Variants in RALGDS observed in about 807,000 individuals in gnomAD.
RALGDS encodes ral guanine nucleotide exchange factor.
In RALGDS, 44 loss-of-function variants were observed where a neutral mutation model predicts 99.8. The ratio of observed to expected loss-of-function variants is 0.44; its 90% CI spans 0.35 to 0.57. RALGDS has a LOEUF of 0.57. Among genes scored for constraint, RALGDS ranks in the 20% least tolerant of loss-of-function variants. The pLI is 0.01. For missense variants in RALGDS, 1,022 were observed against 1,203.1 expected (o/e 0.85, Z 2.23); for synonymous variants, 529 against 505.0 (o/e 1.05, Z -0.64).
intron 6 of RALGDS, among the ~76,000 whole-genome samples, chr9:133,107,514 G>A (rs1300661789): frequency 2.6e-5 from 4 of 152,222 alleles, no homozygotes; most frequent in African/African-American, 9.6e-5. Flanking sequence ...GCTCCAACAG[G>A]CGGCTCACGC....
At chr9:133,126,053 A>C (rs111389180), upstream of RALGDS, among the ~76,000 whole-genome samples, 120 of 152,300 alleles carry the variant, frequency 7.9e-4, 1 homozygote, top group African/African-American at 2.7e-3. Context: ...GGCCAATGAC[A>C]ACCCTGTGCT....
At chr9:133,126,679 C>G (rs1001235882) in intron 1 of RALGDS, among the ~76,000 whole-genome samples, 1 of 152,156 alleles carries the variant, frequency 6.6e-6, no homozygotes, top group Non-Finnish European at 1.5e-5. Flanking sequence ...TGTGACAACC[C>G]GAAGTGGAGG....
intron 10 of RALGDS, among the ~76,000 whole-genome samples, 180 bp from the exon 11 acceptor site, chr9:133,104,013 C>T (rs1403818019): frequency 1.3e-5 from 2 of 152,112 alleles, no homozygotes; most frequent in South Asian, 4.1e-4. Flanking sequence ...TGGGAAATGC[C>T]AGGTTCCCAA....
chr9:133,099,573 T>C (rs893806701), intron 17 of RALGDS: 5 of 152,814 alleles, frequency 3.3e-5, no homozygotes, highest in African/African-American at 1.2e-4. Context: ...TATATATACA[T>C]GCATATATAT....
intron 1 of RALGDS, among the ~76,000 whole-genome samples, chr9:133,128,011 C>T (rs769144407): frequency 6.6e-6 from 1 of 152,184 alleles, no homozygotes; most frequent in East Asian, 1.9e-4. Flanking sequence ...AATGGGTACA[C>T]CCCCGGCATA....
rs777969180 is a variant in RALGDS, at chr9:133,108,247, G to A, written c.938C>T (p.Pro313Leu). 12 of 1,602,752 alleles carry A rather than the reference G, an allele frequency of 7.5e-6. No individual in the cohort carries two copies. Among genetic ancestry groups the A allele is most frequent in the South Asian group, 5.6e-5 (5 of 89,496 alleles). The change falls in exon 6 of 18, where the codon CCG becomes CTG. Residue 313 changes from proline to leucine, a missense_variant. This residue lies in a region of RALGDS where 825 missense variants were observed against 994.5 expected (regional missense o/e 0.83). Coordinates refer to ENST00000372050, the MANE Select transcript of RALGDS (RefSeq NM_006266.4). ...TGGCTCTGGAGCCTGCTGGAGCTCC[G>A]GAGCTGGTGCTGGAGCTACTTCTAG... Reference protein sequence around the residue: ...SELEVAPAPAPELQQAPEPAV... With the variant: ...SELEVAPAPALELQQAPEPAV...
upstream of RALGDS, among the ~76,000 whole-genome samples, chr9:133,124,912 A>G (rs1832098858): frequency 6.6e-6 from 1 of 152,236 alleles, no homozygotes; most frequent in Admixed American, 6.5e-5. Context: ...TCTGCATATA[A>G]CTGCCATTTG....
rs373949335 is a variant in RALGDS, at chr9:133,110,241, G to T, written c.488+55C>A. 9.0e-4 allele frequency: 1,374 copies of T among 1,534,078 alleles called. 25 individuals carry two copies. The South Asian group carries it at 0.015, about 16-fold the overall frequency. ...GCATTGCCAAGACCCGCAGCCAGGT[G>T]GGGGTGGGGGCGAGGGCCCCTGTGC... On this transcript the variant is annotated intron_variant, in intron 3 of 17. Transcript: ENST00000372050.
intron 2 of RALGDS, among the ~76,000 whole-genome samples, chr9:133,111,391 A>T (rs537977035): frequency 1.3e-5 from 2 of 152,176 alleles, no homozygotes; most frequent in African/African-American, 4.8e-5. Context: ...AGCAATTCTC[A>T]TGTCTCAGCC....
chr9:133,103,195 C>T (rs1446417875), intron 12 of RALGDS, 35 bp downstream of exon 12: 3 of 1,613,304 alleles, frequency 1.9e-6, no homozygotes, highest in South Asian at 1.1e-5. Context: ...TGTTTTCCAC[C>T]CCTCCCCAAG....
chr9:133,140,753 A>G (rs1396284520), intron 1 of RALGDS, among the ~76,000 whole-genome samples: 2 of 152,266 alleles, frequency 1.3e-5, no homozygotes, highest in East Asian at 1.9e-4. Flanking sequence ...CCTCCCACCA[A>G]CTGGCTTCCT....
chr9:133,131,488 G>T (rs1228694085), upstream of RALGDS, among the ~76,000 whole-genome samples: 1 of 151,940 alleles, frequency 6.6e-6, no homozygotes, highest in Non-Finnish European at 1.5e-5. Context: ...AGCTGCCAGT[G>T]TCCTCTGCTG....
In RALGDS at chr9:133,121,033, T is replaced by C. The variant is rs915754528; in HGVS notation, c.122A>G (p.Asp41Gly). The change falls in exon 1 of 18, where the codon GAC becomes GGC. Residue 41 changes from aspartate (D) to glycine (G), a missense_variant. By Grantham distance (94) the Asp-to-Gly change is moderately conservative. Around this residue, in one of 3 missense-constraint regions of RALGDS, gnomAD observed 180 missense variants for 169.3 expected, o/e 1.06. Transcript: ENST00000372050. ...GCTGTGCAGCACCACCGGGCAGCTG[T>C]CGGGGACGCCCACCTCCAGGCGCAC... ...DAVRLEVGVP[D>G]SCPVVLHSFT... 7.3e-5 allele frequency: 109 copies of C among 1,495,528 alleles called. No individual in the cohort carries two copies. In the Admixed American group the frequency reaches 1.0e-3, roughly 14 times the overall value. 92.6% of individuals were successfully genotyped at this position (1,495,528 alleles called of 1,614,324 possible). A position where few individuals can be genotyped will look rare whatever the true frequency, so the allele number is the denominator to read the frequency against.
At chr9:133,101,067 G>C in intron 16 of RALGDS, 1 of 1,102,070 alleles carries the variant, frequency 9.1e-7, no homozygotes, top group South Asian at 2.5e-5. Flanking sequence ...TCCAAATCCT[G>C]TCTAGACTCT....
chr9:133,103,893 C>T, intron 10 of RALGDS, 60 bp from the exon 11 acceptor site: 2 of 1,518,388 alleles, frequency 1.3e-6, no homozygotes, highest in Non-Finnish European at 1.8e-6. Context: ...TCTCAGCCCC[C>T]AGCCCCAACT....
intron 16 of RALGDS, 132 bp downstream of exon 16, chr9:133,101,388 T>C: frequency 1.9e-6 from 3 of 1,563,700 alleles, no homozygotes; most frequent in Non-Finnish European, 2.6e-6. Flanking sequence ...TCTTCATTTC[T>C]GTACCTGGCT....
chr9:133,149,023 G>T, exon 1 of RALGDS: 2 of 1,523,518 alleles, frequency 1.3e-6, no homozygotes, highest in Non-Finnish European at 1.8e-6. Flanking sequence ...GGCGGGACCC[G>T]GGGCTCGCAG....
At chr9:133,113,893 C>T (rs1445432366) in intron 1 of RALGDS, among the ~76,000 whole-genome samples, 2 of 152,162 alleles carry the variant, frequency 1.3e-5, no homozygotes, top group Non-Finnish European at 2.9e-5. Context: ...AGGACAAGCC[C>T]GCCACAGGGG....
At chr9:133,116,890 A>T (rs1831636306) in intron 1 of RALGDS, among the ~76,000 whole-genome samples, 1 of 152,256 alleles carries the variant, frequency 6.6e-6, no homozygotes, top group Non-Finnish European at 1.5e-5. Context: ...CTTGGAGCAG[A>T]GTCCAGCCCC....
Sources: gnomAD v4.1 joint callset for allele counts (sites outside exome capture counted in the v4.1 genomes callset) on GRCh38, gnomAD v4.1.1 for gene constraint, gnomAD v4.1.1 regional missense constraint, MANE v1.5 for transcripts, NCBI Gene and HGNC (gene_info 2026-07-23, HGNC 2026-07-21) for gene names.